Variants in SLC25A36 observed in about 807,000 individuals in gnomAD.
SLC25A36 encodes the protein epididymis secretory sperm binding protein.
A neutral mutation model predicts 35.3 loss-of-function variants in SLC25A36; 24 were observed. The observed-to-expected ratio is 0.68, with a 90% confidence interval of 0.49 to 0.96. The LOEUF (loss-of-function observed/expected upper bound fraction) is 0.96. Ranked by LOEUF, SLC25A36 falls within the 40% of genes least tolerant of loss-of-function variation. The probability of loss-of-function intolerance (pLI) is 0.00; values close to 1 mark genes in which losing one functional copy is unlikely to be tolerated. For synonymous variants in SLC25A36, 141 were observed against 132.2 expected, an observed-to-expected ratio of 1.07 and a Z score of -0.46; for missense variants, 294 against 381.1, an observed-to-expected ratio of 0.77 and a Z score of 1.90.
chr3:140,960,234 A>G (rs1934593380), intron 3 of SLC25A36, among the ~76,000 whole-genome samples: 1 of 152,172 alleles, frequency 6.6e-6, no homozygotes, highest in African/African-American at 2.4e-5. Context: ...AGGCTGCAAA[A>G]TACTCCTGAT....
intron 5 of SLC25A36, chr3:140,972,938 T>C (rs990712295): frequency 2.2e-4 from 33 of 152,176 alleles, no homozygotes; most frequent in Admixed American, 2.2e-3. Context: ...CTGTCTCTTA[T>C]AGATAAGGAC....
intron 1 of SLC25A36, among the ~76,000 whole-genome samples, chr3:140,955,809 A>G (rs1576480277): frequency 6.6e-6 from 1 of 152,168 alleles, no homozygotes; most frequent in Admixed American, 6.5e-5. Flanking sequence ...TTCCCACCTC[A>G]GCCTCCCGAG....
At chr3:140,973,249 T>C (rs1934951510) in intron 5 of SLC25A36, 1 of 152,266 alleles carries the variant, frequency 6.6e-6, no homozygotes, top group Non-Finnish European at 1.5e-5. Context: ...GAATTTTAGT[T>C]AATCATACTG....
At chr3:140,955,207 G>A (rs11718563) in intron 1 of SLC25A36, among the ~76,000 whole-genome samples, 11,628 of 151,644 alleles carry the variant, frequency 0.077, 573 homozygotes, top group East Asian at 0.17. Flanking sequence ...CATTCTATTC[G>A]GAGTGATATT....
At chr3:140,969,950 CTT>C (rs1376675515) in intron 4 of SLC25A36, among the ~76,000 whole-genome samples, 7 of 152,032 alleles carry the variant, frequency 4.6e-5, no homozygotes, top group Admixed American at 2.6e-4. Context: ...GTAAATGTAA[CTT>C]AACGTAAGTA....
intron 5 of SLC25A36, 129 bp downstream of exon 5, chr3:140,971,122 A>G (rs1328703982): frequency 3.7e-6 from 2 of 547,814 alleles, no homozygotes; most frequent in Non-Finnish European, 6.7e-6. Flanking sequence ...TGGGTCTGCC[A>G]TCAGAAAAAA....
At chr3:140,968,617 C>T in intron 4 of SLC25A36, 1 of 948,998 alleles carries the variant, frequency 1.1e-6, no homozygotes, top group Non-Finnish European at 1.3e-6. Context: ...AGGTTTTGTT[C>T]CTAACAACAT....
At position 140,971,025 on chromosome 3, in the gene SLC25A36, A is replaced by G. The variant is rs754141442; in HGVS notation, c.452+32A>G. On this transcript the variant is annotated intron_variant, in intron 5 of 6. Transcript: ENST00000324194. ...TAATTCCTTAAAATAAAATTGGTTA[A>G]AGTGGATTTAACTAATTTTTTTTCT... 5 of 921,056 alleles carry G rather than the reference A, an allele frequency of 5.4e-6. No homozygotes were observed. The East Asian group carries it at 9.7e-5, about 18-fold the overall frequency. The allele number at this position is 921,056 out of a possible 1,614,324, so 57.1% of individuals were successfully genotyped here.
At chr3:140,948,452 G>T (rs184728367) in intron 1 of SLC25A36, among the ~76,000 whole-genome samples, 1 of 152,168 alleles carries the variant, frequency 6.6e-6, no homozygotes, top group East Asian at 1.9e-4. Flanking sequence ...AAAGTGCTGG[G>T]ATTACAAGCG....
Position 140,976,609 on chromosome 3 carries a change from C to A in SLC25A36, c.*156C>A. 1 of 467,274 alleles carries A rather than the reference C, an allele frequency of 2.1e-6. No homozygotes were observed. Among genetic ancestry groups the A allele is most frequent in the Non-Finnish European group, 3.5e-6 (1 of 286,156 alleles). 28.9% of individuals were successfully genotyped at this position (467,274 alleles called of 1,614,324 possible). A position where few individuals can be genotyped will look rare whatever the true frequency, so the allele number is the denominator to read the frequency against. The stretch of plus-strand genomic sequence containing the variant: ...TGTTGTAGGAATTATAGTAATCACA[C>A]CACATTACTTGGCCTTTCGGTAATG... On this transcript the variant is annotated 3_prime_UTR_variant, in exon 7 of 7. Transcript: ENST00000324194.
At position 140,967,948 on chromosome 3, in the gene SLC25A36, A is replaced by G. The variant is rs1340838377; in HGVS notation, c.386-2979A>G. ...TTAATATAAATTGGCAAATTATGAA[A>G]ATGTCACAAAATTAAAATGCAAAAT... On this transcript the variant is annotated intron_variant, in intron 4 of 6. Coordinates refer to ENST00000324194, the MANE Select transcript of SLC25A36 (RefSeq NM_001104647.3). 4 of 983,272 alleles carry G rather than the reference A, an allele frequency of 4.1e-6. No homozygotes were observed. The African/African-American group carries it at 7.0e-5, about 17-fold the overall frequency. 60.9% of individuals were successfully genotyped at this position (983,272 alleles called of 1,614,324 possible).
intron 1 of SLC25A36, among the ~76,000 whole-genome samples, chr3:140,952,954 G>T (rs181229218): frequency 5.1e-4 from 78 of 152,270 alleles, no homozygotes; most frequent in African/African-American, 1.7e-3. Context: ...CTGTTTGTGG[G>T]TTTTATGTTC....
Position 140,977,043 on chromosome 3 carries a change from C to G in SLC25A36, c.*590C>G, listed in dbSNP as rs1353201875. 6.6e-6 allele frequency: 1 copy of G among 152,146 alleles called. No individual in the cohort carries two copies. Among genetic ancestry groups the G allele is most frequent in the Non-Finnish European group, 1.5e-5 (1 of 68,026 alleles). The allele number at this position is 152,146 out of a possible 1,614,324, so 9.4% of individuals were successfully genotyped here. A position where few individuals can be genotyped will look rare whatever the true frequency, so the allele number is the denominator to read the frequency against. On this transcript the variant is annotated 3_prime_UTR_variant, in exon 7 of 7. Coordinates refer to ENST00000324194, the MANE Select transcript of SLC25A36 (RefSeq NM_001104647.3). Reference sequence around the variant, plus strand: ...AAAATGTTTTGGTTTCCACTGCTGACAGGTGCTTGTTGTTTAGCCTAATGT... The same window carrying G: ...AAAATGTTTTGGTTTCCACTGCTGAGAGGTGCTTGTTGTTTAGCCTAATGT...
At chr3:140,953,919 A>G (rs552070486) in intron 1 of SLC25A36, among the ~76,000 whole-genome samples, 3 of 152,332 alleles carry the variant, frequency 2.0e-5, no homozygotes, top group South Asian at 4.1e-4. Context: ...ACAGTGAGCT[A>G]TGATCGTGCC....
intron 4 of SLC25A36, chr3:140,968,249 A>G (rs1283194701): frequency 2.1e-6 from 2 of 938,224 alleles, no homozygotes; most frequent in Non-Finnish European, 2.5e-6. Context: ...ATAAAACTCA[A>G]GGACCTGAGT....
chr3:140,968,365 GCT>G (rs1234687817), intron 4 of SLC25A36: 41 of 834,898 alleles, frequency 4.9e-5, no homozygotes, highest in Middle Eastern at 6.1e-4. Context: ...TAAAGAGCTA[GCT>G]CTCATTGGGA....
At chr3:140,943,012 G>T (rs1934060265) in intron 1 of SLC25A36, among the ~76,000 whole-genome samples, 1 of 152,158 alleles carries the variant, frequency 6.6e-6, no homozygotes, top group Non-Finnish European at 1.5e-5. Flanking sequence ...GCAAGATTAG[G>T]ACTAAGCCTA....
chr3:140,952,695 T>C (rs1256740593), intron 1 of SLC25A36, among the ~76,000 whole-genome samples: 2 of 152,178 alleles, frequency 1.3e-5, no homozygotes, highest in African/African-American at 4.8e-5. Context: ...GAGGCATAGG[T>C]ATTGTTTTTA....
chr3:140,950,935 T>A (rs1261429986), intron 1 of SLC25A36, among the ~76,000 whole-genome samples: 1 of 151,606 alleles, frequency 6.6e-6, no homozygotes, highest in Non-Finnish European at 1.5e-5. Context: ...TGTGTGTGTG[T>A]GTGTGTAAGG....
Sources: allele counts gnomAD v4.1 joint callset (sites outside exome capture counted in the v4.1 genomes callset), GRCh38; gene constraint gnomAD v4.1.1; transcripts MANE v1.5; gene names NCBI Gene and HGNC (gene_info 2026-07-23, HGNC 2026-07-21).